CUX1: variants seen among roughly 807,000 people sequenced by gnomAD.
The protein encoded by CUX1 is protein CASP.
CUX1 carries 31 observed loss-of-function variants against 158.8 expected under a neutral mutation model. The observed-to-expected ratio is 0.20, with a 90% CI of 0.15 to 0.26. The LOEUF (loss-of-function observed/expected upper bound fraction) is 0.26. Ranked by LOEUF, CUX1 falls within the 10% of genes least tolerant of loss-of-function variation. The pLI is 1.00. For missense variants in CUX1, 1,589 were observed against 2,014.6 expected, an observed-to-expected ratio of 0.79 and a Z score of 4.04; for synonymous variants, 879 against 862.1, an observed-to-expected ratio of 1.02 and a Z score of -0.34.
intron 9 of CUX1, among the ~76,000 whole-genome samples, chr7:102,159,582 C>T (rs1466324863): frequency 1.3e-5 from 2 of 152,324 alleles, no homozygotes; most frequent in South Asian, 2.1e-4. Flanking sequence ...GTCCCCCAGC[C>T]GGGCACAGTG....
chr7:101,924,518 G>A (rs867165183), intron 2 of CUX1, among the ~76,000 whole-genome samples: 2 of 151,926 alleles, frequency 1.3e-5, no homozygotes, highest in South Asian at 2.1e-4. Context: ...TGGCATTGAC[G>A]TGAGGATTTA....
chr7:102,114,381 T>G lies in CUX1; in HGVS notation c.608-826T>G, dbSNP rs535447354. 3.9e-5 allele frequency among the ~76,000 whole-genome samples: 6 copies of G among 152,326 alleles called. 1 individual carries two copies. The South Asian group carries it at 1.0e-3, about 26-fold the overall frequency. On this transcript the variant is annotated intron_variant, in intron 7 of 23. Coordinates refer to ENST00000292535, the MANE Select transcript of CUX1 (RefSeq NM_181552.4). ...ACCTGCATCTCCAGGGTTCAAGTGA[T>G]TCTCCTGCCTTATCCTCCCAAGTAG...
intron 2 of CUX1, among the ~76,000 whole-genome samples, chr7:101,921,274 C>T (rs947243277): frequency 4.6e-5 from 7 of 152,112 alleles, no homozygotes; most frequent in Middle Eastern, 3.4e-3. Flanking sequence ...TGTGTGTGTA[C>T]GTACCCATGT....
chr7:102,282,651 G>A, intron 21 of CUX1: 1 of 1,571,794 alleles, frequency 6.4e-7, no homozygotes, highest in Non-Finnish European at 8.7e-7. Context: ...AGGGGCCATG[G>A]GTGGGCTGCA....
At chr7:102,179,732 G>A (rs1554513367) in intron 11 of CUX1, among the ~76,000 whole-genome samples, 1 of 152,236 alleles carries the variant, frequency 6.6e-6, no homozygotes, top group Non-Finnish European at 1.5e-5. Flanking sequence ...TCAGAGCCAG[G>A]GGAGACTCTC....
intron 2 of CUX1, among the ~76,000 whole-genome samples, chr7:102,022,223 T>C (rs1416174791): frequency 1.3e-5 from 2 of 152,130 alleles, no homozygotes; most frequent in Non-Finnish European, 2.9e-5. Context: ...ATCAGAATGG[T>C]TTCCTCCAGC....
chr7:101,907,238 G>A (rs143637804), intron 1 of CUX1, among the ~76,000 whole-genome samples: 61 of 152,310 alleles, frequency 4.0e-4, no homozygotes, highest in Admixed American at 1.0e-3. Flanking sequence ...TTTCTGCAGC[G>A]TTACGCAGGA....
rs1295602744 is a variant in CUX1 at position 101,869,717 on chromosome 7, G to A, written c.31-46398G>A. The stretch of plus-strand genomic sequence containing the variant: ...CAGGACACACGTGCGAGCCACAGCA[G>A]GTGGGCGGGAGCTCACAGGCTGCAG... On this transcript the variant is annotated intron_variant, in intron 1 of 23. Coordinates refer to ENST00000292535, the MANE Select transcript of CUX1 (RefSeq NM_181552.4). The surrounding 1 kb of genome is among the most constrained non-coding windows in gnomAD (Gnocchi z 4.5). Among the ~76,000 whole-genome samples the A allele has an allele frequency of 6.6e-6, 1 of 152,218 alleles. No homozygotes were observed. The highest frequency in any genetic ancestry group is 2.4e-5 in the African/African-American group (1 of 41,452).
At chr7:101,934,884 T>A (rs1463830387) in intron 2 of CUX1, among the ~76,000 whole-genome samples, 2 of 152,088 alleles carry the variant, frequency 1.3e-5, no homozygotes, top group Non-Finnish European at 2.9e-5. Flanking sequence ...CAAAGTACAG[T>A]TGGGTTTGCC....
At chr7:101,911,548 C>T (rs1214936203) in intron 1 of CUX1, among the ~76,000 whole-genome samples, 4 of 152,196 alleles carry the variant, frequency 2.6e-5, no homozygotes, top group Non-Finnish European at 4.4e-5. Context: ...TTGGCCTTGA[C>T]CTTGGCCCTC....
Position 102,256,330 on chromosome 7 carries a change from T to G in CUX1, c.*7288T>G, listed in dbSNP as rs1735141935. 16 of 984,652 alleles carry G rather than the reference T, an allele frequency of 1.6e-5. No homozygotes were observed. Among genetic ancestry groups the G allele is most frequent in the Non-Finnish European group, 1.8e-5 (15 of 829,336 alleles). 61.0% of individuals were successfully genotyped at this position (984,652 alleles called of 1,614,324 possible). On this transcript the variant is annotated 3_prime_UTR_variant, in exon 24 of 24. Coordinates refer to ENST00000292535, the MANE Select transcript of CUX1 (RefSeq NM_181552.4). ...TTTCCTTGAGAAAAAAAAAATTATT[T>G]CTATCCTCTTCTATTTATTATTAGG...
chr7:102,051,173 T>C (rs1823448971), intron 3 of CUX1, among the ~76,000 whole-genome samples: 1 of 152,146 alleles, frequency 6.6e-6, no homozygotes, highest in South Asian at 2.1e-4. Context: ...TGCCCTTCTC[T>C]GAGCAGGCCA....
At chr7:102,184,983 GAT>G (rs1481471840) in intron 11 of CUX1, among the ~76,000 whole-genome samples, 1 of 152,166 alleles carries the variant, frequency 6.6e-6, no homozygotes, top group Non-Finnish European at 1.5e-5. Context: ...CCAGTTCCCA[GAT>G]TCTCTTTCCA....
At chr7:101,984,584 G>A (rs1039204586) in intron 2 of CUX1, among the ~76,000 whole-genome samples, 1 of 151,702 alleles carries the variant, frequency 6.6e-6, no homozygotes, top group Non-Finnish European at 1.5e-5. Flanking sequence ...GCAGGACTGA[G>A]CTCTGAAGGC....
chr7:102,169,845 G>A (rs868987092), intron 9 of CUX1, among the ~76,000 whole-genome samples: 2 of 152,134 alleles, frequency 1.3e-5, no homozygotes, highest in African/African-American at 4.8e-5. Context: ...CTACGTCCTC[G>A]GATTGGCCTG....
chr7:101,937,369 T>TA (rs1190541151), intron 2 of CUX1, among the ~76,000 whole-genome samples: 1 of 152,112 alleles, frequency 6.6e-6, no homozygotes, highest in African/African-American at 2.4e-5. Context: ...CTGGTGGCCA[T>TA]AGGATTATTT....
intron 11 of CUX1, among the ~76,000 whole-genome samples, chr7:102,185,885 T>G (rs1048272682): frequency 3.3e-5 from 5 of 152,136 alleles, no homozygotes; most frequent in Admixed American, 2.6e-4. Context: ...CCCCAGAGAT[T>G]TTTTTCTTTC....
intron 1 of CUX1, among the ~76,000 whole-genome samples, chr7:101,836,843 G>A (rs1407952755): frequency 6.6e-6 from 1 of 152,190 alleles, no homozygotes; most frequent in Non-Finnish European, 1.5e-5. Flanking sequence ...CATCATCCCA[G>A]CATGGGTGCG....
rs190652534 is a variant in CUX1 at position 102,249,700 on chromosome 7, A to T, written c.*658A>T. 9 of 985,680 alleles carry T rather than the reference A, an allele frequency of 9.1e-6. No individual in the cohort carries two copies. In the Admixed American group the frequency reaches 4.9e-4, roughly 54 times the overall value. 61.1% of individuals were successfully genotyped at this position (985,680 alleles called of 1,614,324 possible). A position where few individuals can be genotyped will look rare whatever the true frequency, so the allele number is the denominator to read the frequency against. On this transcript the variant is annotated 3_prime_UTR_variant, in exon 24 of 24. Coordinates refer to ENST00000292535, the MANE Select transcript of CUX1 (RefSeq NM_181552.4). ...TAAAAGGGGGGGTGGGATTTTTCAGAAAAATTAAAAAAGAAAGTTTTTGTA... is the reference window on the plus strand; with the variant it reads ...TAAAAGGGGGGGTGGGATTTTTCAGTAAAATTAAAAAAGAAAGTTTTTGTA...
Sources: gnomAD v4.1 joint callset for allele counts (sites outside exome capture counted in the v4.1 genomes callset) on GRCh38, gnomAD v4.1.1 for gene constraint, Gnocchi (gnomAD v3.1) non-coding constraint, MANE v1.5 for transcripts, NCBI Gene and HGNC (gene_info 2026-07-23, HGNC 2026-07-21) for gene names.